The following EIPR1 variants were observed in gnomAD, a reference collection of about 807,000 sequenced individuals.
The protein encoded by EIPR1 is EARP complex and GARP complex interacting protein 1.
Under a neutral mutation model 48.1 loss-of-function variants are expected in EIPR1, and 25 were observed. The observed-to-expected ratio is 0.52, with a 90% CI of 0.38 to 0.73. The LOEUF (loss-of-function observed/expected upper bound fraction) is 0.73, where lower values mean the gene tolerates loss of function less well. EIPR1 is among the 30% of genes least tolerant of loss of function. The pLI is 0.00. For missense variants in EIPR1, 415 were observed against 506.2 expected, an observed-to-expected ratio of 0.82 and a Z score of 1.73; for synonymous variants, 204 against 201.9, an observed-to-expected ratio of 1.01 and a Z score of -0.09.
At position 3,189,477 on chromosome 2, in the gene EIPR1, C is replaced by A. The variant is rs761535701; in HGVS notation, c.1021G>T (p.Ala341Ser). The A allele has an allele frequency of 5.1e-6, 8 of 1,571,024 alleles. No homozygotes were observed. Among genetic ancestry groups the A allele is most frequent in the Non-Finnish European group, 6.1e-6 (7 of 1,153,198 alleles). The change falls in exon 9 of 9, where the codon GCC becomes TCC. Residue 341 changes from alanine (A) to serine (S), a missense_variant. By Grantham distance (99) the Ala-to-Ser change is moderately conservative. Transcript: ENST00000382125. The surrounding 1 kb of genome is among the most constrained non-coding windows in gnomAD (Gnocchi z 4.6). Reference sequence around the variant, plus strand: ...CTGTCCTCGTGCTCCTCGTAGGTGGCGATCACGTTGTCCTGCAGGGGCTCC... The same window carrying A: ...CTGTCCTCGTGCTCCTCGTAGGTGGAGATCACGTTGTCCTGCAGGGGCTCC... ...SKEPLQDNVI[A>S]TYEEHEDSVY...
chr2:3,196,860 G>A (rs754675068), intron 6 of EIPR1, 21 bp downstream of exon 6: 4 of 1,611,568 alleles, frequency 2.5e-6, no homozygotes, highest in Non-Finnish European at 3.4e-6. Flanking sequence ...AGTGGGGCCT[G>A]CGCCGGGTGG....
At chr2:3,240,755 T>C (rs76780063) in intron 4 of EIPR1, among the ~76,000 whole-genome samples, 3,174 of 39,024 alleles carry the variant, frequency 0.081, no homozygotes, top group Middle Eastern at 0.16. Context: ...GCAAAGCCAG[T>C]AGATCCCTCC....
intron 3 of EIPR1, among the ~76,000 whole-genome samples, chr2:3,313,875 G>A (rs941528425): frequency 1.3e-5 from 2 of 152,148 alleles, no homozygotes; most frequent in African/African-American, 4.8e-5. Flanking sequence ...GAGGCAAGAG[G>A]GCTCATTATG....
chr2:3,197,005 C>A lies in EIPR1; in HGVS notation c.529G>T (p.Ala177Ser). The change falls in exon 6 of 9, where the codon GCG becomes TCG. Residue 177 changes from alanine to serine, a missense_variant. Ala to Ser is a moderately conservative substitution (Grantham distance 99, BLOSUM62 1). Coordinates refer to ENST00000382125, the MANE Select transcript of EIPR1 (RefSeq NM_003310.5). ...AGTTGTCCCTTCCCTTCCAGGGACGCTGAGCTGGCCAGCTGGGAGTGTCAC... is the reference window on the plus strand; with the variant it reads ...AGTTGTCCCTTCCCTTCCAGGGACGATGAGCTGGCCAGCTGGGAGTGTCAC... ...SSSQAVLASS[A>S]SLEGKGQLKF... 1 of 1,613,822 alleles carries A rather than the reference C, an allele frequency of 6.2e-7. No individual in the cohort carries two copies. Among genetic ancestry groups the A allele is most frequent in the Non-Finnish European group, 8.5e-7 (1 of 1,179,992 alleles).
At chr2:3,324,169 G>C (rs923318202) in intron 3 of EIPR1, among the ~76,000 whole-genome samples, 3 of 152,204 alleles carry the variant, frequency 2.0e-5, no homozygotes, top group African/African-American at 7.2e-5. Flanking sequence ...TCAGAGACAG[G>C]AGCACCTCCT....
At position 3,208,801 on chromosome 2, in the gene EIPR1, C is replaced by T. The variant is rs1042522371; in HGVS notation, c.516+5348G>A. The T allele has an allele frequency of 3.9e-6, 6 of 1,548,400 alleles. No individual in the cohort carries two copies. The African/African-American group carries it at 8.3e-5, about 21-fold the overall frequency. On this transcript the variant is annotated intron_variant, in intron 5 of 8. Coordinates refer to ENST00000382125, the MANE Select transcript of EIPR1 (RefSeq NM_003310.5). ...CCTTGAGTGAGGCTCGTGGCAGGTC[C>T]TCCTTCTGTGAGTGAGGCCCGTGGC...
chr2:3,351,529 A>C (rs1572476557), intron 2 of EIPR1, among the ~76,000 whole-genome samples: 1 of 151,818 alleles, frequency 6.6e-6, no homozygotes, highest in East Asian at 1.9e-4. Context: ...CTCCCATCCT[A>C]TCTCTGTGCC....
chr2:3,329,791 C>A (rs1182151905), intron 3 of EIPR1, among the ~76,000 whole-genome samples: 1 of 151,724 alleles, frequency 6.6e-6, no homozygotes, highest in Non-Finnish European at 1.5e-5. Flanking sequence ...CAGAGTCCAC[C>A]CACCATGCTC....
At chr2:3,299,304 C>T (rs1223732386) in intron 3 of EIPR1, among the ~76,000 whole-genome samples, 2 of 151,786 alleles carry the variant, frequency 1.3e-5, no homozygotes, top group Non-Finnish European at 2.9e-5. Flanking sequence ...CTGCCGTGCT[C>T]GGCCCTGGGT....
intron 3 of EIPR1, among the ~76,000 whole-genome samples, chr2:3,274,657 G>A (rs184809825): frequency 1.3e-5 from 2 of 151,636 alleles, no homozygotes; most frequent in African/African-American, 4.8e-5. Context: ...AAAATTAAGC[G>A]AAATAAATGG....
intron 2 of EIPR1, among the ~76,000 whole-genome samples, chr2:3,339,770 G>A (rs926547399): frequency 6.6e-6 from 1 of 152,344 alleles, no homozygotes; most frequent in African/African-American, 2.4e-5. Flanking sequence ...CCACCACAGT[G>A]AAACCCCGTC....
At chr2:3,273,713 A>G (rs1667764639) in intron 3 of EIPR1, among the ~76,000 whole-genome samples, 2 of 152,134 alleles carry the variant, frequency 1.3e-5, no homozygotes, top group South Asian at 4.1e-4. Context: ...CGCCCTGGAC[A>G]TTTTCCATAA....
At chr2:3,288,103 T>C (rs951434228) in intron 3 of EIPR1, among the ~76,000 whole-genome samples, 5 of 152,202 alleles carry the variant, frequency 3.3e-5, no homozygotes, top group South Asian at 2.1e-4. Context: ...CCTGATGCGG[T>C]GGCGTCATGG....
Position 3,189,025 on chromosome 2 carries a change from T to C in EIPR1, c.*309A>G. ...TACTCTCAAGAGAAAGAAGAGTTAC[T>C]ATTGCAGGAACAGACATTTTTTTAA... On this transcript the variant is annotated 3_prime_UTR_variant, in exon 9 of 9. Transcript: ENST00000382125. The surrounding 1 kb of genome is among the most constrained non-coding windows in gnomAD (Gnocchi z 4.6). The C allele has an allele frequency of 4.0e-6, 1 of 249,138 alleles. No individual in the cohort carries two copies. Among genetic ancestry groups the C allele is most frequent in the Non-Finnish European group, 7.6e-6 (1 of 131,372 alleles). 15.4% of individuals were successfully genotyped at this position (249,138 alleles called of 1,614,324 possible). A position where few individuals can be genotyped will look rare whatever the true frequency, so the allele number is the denominator to read the frequency against.
intron 4 of EIPR1, among the ~76,000 whole-genome samples, chr2:3,234,811 G>A (rs1274634955): frequency 6.6e-6 from 1 of 152,192 alleles, no homozygotes; most frequent in Non-Finnish European, 1.5e-5. Flanking sequence ...CTGCTCTCTT[G>A]AGTGTCAAAA....
chr2:3,340,124 C>T (rs565639676), intron 2 of EIPR1, among the ~76,000 whole-genome samples: 2 of 152,358 alleles, frequency 1.3e-5, no homozygotes, highest in South Asian at 2.1e-4. Context: ...GCCAATAAAA[C>T]CTCTGTTCTT....
At position 3,193,955 on chromosome 2, in the gene EIPR1, T is replaced by C. The variant is rs777127155; in HGVS notation, c.821+44A>G. 1.9e-6 allele frequency: 3 copies of C among 1,599,548 alleles called. No homozygotes were observed. The South Asian group carries it at 3.3e-5, about 18-fold the overall frequency. On this transcript the variant is annotated intron_variant, in intron 7 of 8. Coordinates refer to ENST00000382125, the MANE Select transcript of EIPR1 (RefSeq NM_003310.5). ...ATGGTAAAGTAATTAGCAAAATCAA[T>C]TGCGTAATCCCCTCCTCCCTGAAGC...
intron 4 of EIPR1, among the ~76,000 whole-genome samples, chr2:3,239,560 T>C (rs1666526923): frequency 6.6e-6 from 1 of 152,244 alleles, no homozygotes; most frequent in African/African-American, 2.4e-5. Context: ...GGGTGCCTGT[T>C]TGCTTTCCAC....
Position 3,220,384 on chromosome 2 carries a change from G to A in EIPR1, c.417-6136C>T, listed in dbSNP as rs115158511. On this transcript the variant is annotated intron_variant, in intron 4 of 8. Transcript: ENST00000382125. ...ACAGCATTTATAGAGTCAAGTGCACGTGCACACAATGGCTGTAGTACATTC... is the reference window on the plus strand; with the variant it reads ...ACAGCATTTATAGAGTCAAGTGCACATGCACACAATGGCTGTAGTACATTC... 4.4e-3 allele frequency among the ~76,000 whole-genome samples: 662 copies of A among 151,034 alleles called. 8 individuals are homozygous for A. The highest frequency in any genetic ancestry group is 0.024 in the East Asian group (121 of 5,008).
Sources: gnomAD v4.1 joint callset for allele counts (sites outside exome capture counted in the v4.1 genomes callset) on GRCh38, gnomAD v4.1.1 for gene constraint, Gnocchi (gnomAD v3.1) non-coding constraint, MANE v1.5 for transcripts, NCBI Gene and HGNC (gene_info 2026-07-23, HGNC 2026-07-21) for gene names.